The following CADM2 variants were observed in gnomAD, a reference collection of about 807,000 sequenced individuals.
CADM2 encodes the protein cell adhesion molecule 2, also known as immunoglobulin superfamily member 4D.
A neutral mutation model predicts 49.8 loss-of-function variants in CADM2; 12 were observed. That is an observed-to-expected ratio of 0.24 (90% CI 0.15 to 0.39). CADM2 has a LOEUF of 0.39. Ranked by LOEUF, CADM2 falls within the 10% of genes least tolerant of loss-of-function variation. The probability of loss-of-function intolerance (pLI) is 1.00; values close to 1 mark genes in which losing one functional copy is unlikely to be tolerated. For missense variants in CADM2, 378 were observed against 492.3 expected (o/e 0.77, Z 2.20); for synonymous variants, 214 against 175.4 (o/e 1.22, Z -1.74).
chr3:85,591,124 C>T (rs1301844795), intron 1 of CADM2, among the ~76,000 whole-genome samples: 1 of 151,876 alleles, frequency 6.6e-6, no homozygotes, highest in East Asian at 1.9e-4. Context: ...GTTGTGAGAA[C>T]CTTGACACTA....
At chr3:84,982,378 TATG>T (rs902703366) in intron 1 of CADM2, among the ~76,000 whole-genome samples, 5 of 152,064 alleles carry the variant, frequency 3.3e-5, no homozygotes, top group Non-Finnish European at 7.4e-5. Context: ...AAACAATTTT[TATG>T]ATGATTTATG....
intron 8 of CADM2, among the ~76,000 whole-genome samples, chr3:85,982,429 A>G (rs1156380310): frequency 6.6e-6 from 1 of 151,646 alleles, no homozygotes; most frequent in East Asian, 1.9e-4. Context: ...GAAATCACAC[A>G]AAAATATTTT....
intron 2 of CADM2, among the ~76,000 whole-genome samples, chr3:85,769,121 CATATATACATATATAGTAT>C (rs2069840213): frequency 2.5e-5 from 1 of 40,346 alleles, no homozygotes; most frequent in Admixed American, 4.4e-4. Context: ...TATATATACA[CATATATACATATATAGTAT>C]ATATACACAT....
chr3:85,557,371 T>G (rs4856586), intron 1 of CADM2, among the ~76,000 whole-genome samples: 77,420 of 151,354 alleles, frequency 0.51, 22,831 homozygotes, highest in East Asian at 0.85. Context: ...AATAAACAAC[T>G]AACAGTTATT....
intron 3 of CADM2, among the ~76,000 whole-genome samples, chr3:85,807,177 A>G (rs1227649209): frequency 6.6e-6 from 1 of 152,156 alleles, no homozygotes; most frequent in Non-Finnish European, 1.5e-5. Flanking sequence ...GCAGCATGTC[A>G]TTTCAAACTA....
intron 1 of CADM2, among the ~76,000 whole-genome samples, chr3:85,118,960 G>T (rs2038746502): frequency 6.6e-6 from 1 of 152,020 alleles, no homozygotes; most frequent in African/African-American, 2.4e-5. Context: ...TGTTGGTCAG[G>T]CTGGTCTCGA....
At chr3:85,148,673 T>C (rs1559689034) in intron 1 of CADM2, among the ~76,000 whole-genome samples, 1 of 152,184 alleles carries the variant, frequency 6.6e-6, no homozygotes, top group African/African-American at 2.4e-5. Flanking sequence ...AGTAATAGCC[T>C]ACTGTTGATT....
intron 2 of CADM2, among the ~76,000 whole-genome samples, chr3:85,760,979 G>A (rs773995886): frequency 2.4e-4 from 37 of 151,998 alleles, no homozygotes; most frequent in Non-Finnish European, 3.4e-4. Context: ...TTTATATCAC[G>A]CATGAGTCCT....
chr3:85,507,908 T>C (rs2040430135), intron 1 of CADM2, among the ~76,000 whole-genome samples: 1 of 110,934 alleles, frequency 9.0e-6, no homozygotes. Flanking sequence ...GTGCAGTTAC[T>C]GTTTACCTGA....
chr3:85,110,790 T>C (rs745773800), intron 1 of CADM2, among the ~76,000 whole-genome samples: 2 of 151,700 alleles, frequency 1.3e-5, no homozygotes, highest in Non-Finnish European at 3.0e-5. Context: ...AAGGACATAA[T>C]AGGAGGGCAA....
intron 8 of CADM2, among the ~76,000 whole-genome samples, chr3:86,017,882 AT>A (rs200013069): frequency 4.1e-5 from 6 of 146,498 alleles, no homozygotes; most frequent in Admixed American, 3.4e-4. Context: ...TATTTTTATT[AT>A]TTTTTTATTA....
intron 7 of CADM2, 69 bp downstream of exon 7, chr3:85,935,926 A>G (rs1721143617): frequency 2.4e-6 from 2 of 838,404 alleles, no homozygotes; most frequent in Non-Finnish European, 3.8e-6. Flanking sequence ...TACAGCCTTT[A>G]ACTGTAGAAA....
chr3:85,563,765 A>G (rs2062170365), intron 1 of CADM2, among the ~76,000 whole-genome samples: 1 of 152,168 alleles, frequency 6.6e-6, no homozygotes, highest in Non-Finnish European at 1.5e-5. Context: ...CCGAAAATGA[A>G]GCAAGTGGCC....
intron 1 of CADM2, among the ~76,000 whole-genome samples, chr3:85,695,259 C>A (rs1008317338): frequency 6.6e-6 from 1 of 152,014 alleles, no homozygotes; most frequent in Non-Finnish European, 1.5e-5. Flanking sequence ...TCATGAAATT[C>A]GGGCTTTTAG....
At chr3:85,304,614 A>T (rs1035958744) in intron 1 of CADM2, among the ~76,000 whole-genome samples, 3 of 151,836 alleles carry the variant, frequency 2.0e-5, no homozygotes, top group African/African-American at 7.2e-5. Flanking sequence ...TGGAAAAATC[A>T]ACGGTTGTAA....
intron 2 of CADM2, among the ~76,000 whole-genome samples, chr3:85,794,995 T>G (rs2071539149): frequency 6.6e-6 from 1 of 152,062 alleles, no homozygotes; most frequent in Admixed American, 6.6e-5. Context: ...TTGCATGTTT[T>G]TGGGGTACAA....
chr3:86,012,986 A>C (rs1373706568), intron 8 of CADM2: 3 of 883,150 alleles, frequency 3.4e-6, no homozygotes, highest in Non-Finnish European at 5.6e-6. Context: ...AACAAAAACA[A>C]AAACCTGATC....
At chr3:86,024,497 A>G (rs1733620435) in intron 8 of CADM2, among the ~76,000 whole-genome samples, 1 of 152,180 alleles carries the variant, frequency 6.6e-6, no homozygotes, top group South Asian at 2.1e-4. Context: ...GTACAAGTTG[A>G]AATTATCTCA....
At chr3:85,614,085 A>C (rs1375081692) in intron 1 of CADM2, among the ~76,000 whole-genome samples, 3 of 151,754 alleles carry the variant, frequency 2.0e-5, no homozygotes, top group Admixed American at 1.3e-4. Context: ...GAAAACAATT[A>C]AAATATAAAG....
Sources: allele counts gnomAD v4.1 joint callset (sites outside exome capture counted in the v4.1 genomes callset), GRCh38; gene constraint gnomAD v4.1.1; transcripts MANE v1.5; gene names NCBI Gene and HGNC (gene_info 2026-07-23, HGNC 2026-07-21).